BZW2: variants seen among roughly 807,000 people sequenced by gnomAD.
The protein encoded by BZW2 is eIF5-mimic protein 1.
A neutral mutation model predicts 53.2 loss-of-function variants in BZW2; 23 were observed. That is an observed-to-expected ratio of 0.43 (90% CI 0.31 to 0.61). The LOEUF (loss-of-function observed/expected upper bound fraction) is 0.61, where lower values mean the gene tolerates loss of function less well. BZW2 is among the 20% of genes least tolerant of loss of function. The pLI is 0.09. For missense variants in BZW2, 409 were observed against 503.1 expected (o/e 0.81, Z 1.79); for synonymous variants, 227 against 186.4 (o/e 1.22, Z -1.77).
rs1011208169 is a variant in BZW2 at position 16,646,225 on chromosome 7, C to T, written c.-71C>T. On this transcript the variant is annotated 5_prime_UTR_variant, in exon 1 of 12. Transcript: ENST00000258761. Reference sequence around the variant, plus strand: ...CCACTGCTGCTGCTGCTGCTGCTGCCGCTGCTGCTGCACGAATCGCCGCAG... The same window carrying T: ...CCACTGCTGCTGCTGCTGCTGCTGCTGCTGCTGCTGCACGAATCGCCGCAG... 7.3e-5 allele frequency: 25 copies of T among 340,964 alleles called. No individual in the cohort carries two copies. The highest frequency in any genetic ancestry group is 2.5e-4 in the African/African-American group (11 of 44,466). 21.1% of individuals were successfully genotyped at this position (340,964 alleles called of 1,614,324 possible). A position where few individuals can be genotyped will look rare whatever the true frequency, so the allele number is the denominator to read the frequency against.
chr7:16,693,126 C>T (rs1214890849), intron 7 of BZW2, among the ~76,000 whole-genome samples: 1 of 152,122 alleles, frequency 6.6e-6, no homozygotes, highest in African/African-American at 2.4e-5. Context: ...GTGATTTTGA[C>T]TCTCAACAGG....
chr7:16,675,597 C>A (rs1265967653), intron 3 of BZW2, among the ~76,000 whole-genome samples: 2 of 152,158 alleles, frequency 1.3e-5, no homozygotes, highest in East Asian at 1.9e-4. Context: ...GACTACTAGG[C>A]CTTCTGTCAT....
At chr7:16,681,247 A>G (rs959031428) in intron 3 of BZW2, 54 bp from the exon 4 acceptor site, 55 of 1,368,736 alleles carry the variant, frequency 4.0e-5, no homozygotes, top group Non-Finnish European at 4.4e-5. Context: ...TGTTCTGCAA[A>G]TGCTGTTCTC....
At chr7:16,669,486 T>C in intron 2 of BZW2, among the ~76,000 whole-genome samples, 1 of 152,236 alleles carries the variant, frequency 6.6e-6, no homozygotes, top group East Asian at 1.9e-4. Context: ...AATAACTAAA[T>C]GAGCAAACCT....
chr7:16,684,741 G>A (rs970907664), intron 5 of BZW2, among the ~76,000 whole-genome samples: 5 of 151,950 alleles, frequency 3.3e-5, no homozygotes, highest in African/African-American at 1.2e-4. Context: ...TCACTCCCTG[G>A]CACTTACTTA....
At chr7:16,705,174 T>G (rs1241420194) in intron 11 of BZW2, among the ~76,000 whole-genome samples, 1 of 150,560 alleles carries the variant, frequency 6.6e-6, no homozygotes, top group African/African-American at 2.4e-5. Context: ...CTGGCCAACA[T>G]AGTGAAACCC....
intron 2 of BZW2, among the ~76,000 whole-genome samples, chr7:16,665,732 T>C (rs1399684516): frequency 6.6e-6 from 1 of 152,224 alleles, no homozygotes; most frequent in Non-Finnish European, 1.5e-5. Flanking sequence ...GGGATAGATA[T>C]CTCTGTTCAG....
chr7:16,672,349 G>T (rs1340067785), intron 2 of BZW2, among the ~76,000 whole-genome samples: 1 of 151,772 alleles, frequency 6.6e-6, no homozygotes, highest in Non-Finnish European at 1.5e-5. Context: ...TATTTTCTAG[G>T]TCTTTGACCT....
chr7:16,677,427 G>A (rs2128359916), intron 3 of BZW2, among the ~76,000 whole-genome samples: 1 of 152,276 alleles, frequency 6.6e-6, no homozygotes, highest in Non-Finnish European at 1.5e-5. Context: ...CCTAAGTGCT[G>A]TTGGCGAGGT....
chr7:16,699,869 T>C (rs1391213309), intron 10 of BZW2, among the ~76,000 whole-genome samples: 1 of 152,194 alleles, frequency 6.6e-6, no homozygotes, highest in Non-Finnish European at 1.5e-5. Context: ...TTTTTCTTCT[T>C]CATCAGCCCC....
chr7:16,666,002 G>A (rs1422803091), intron 2 of BZW2, among the ~76,000 whole-genome samples: 4 of 152,118 alleles, frequency 2.6e-5, no homozygotes, highest in Non-Finnish European at 5.9e-5. Flanking sequence ...AGTAGTTATA[G>A]ACCCATTTTG....
At chr7:16,677,172 A>G (rs1314744709) in intron 3 of BZW2, among the ~76,000 whole-genome samples, 1 of 151,432 alleles carries the variant, frequency 6.6e-6, no homozygotes, top group African/African-American at 2.4e-5. Flanking sequence ...TTTATATCCC[A>G]GTCATTATCC....
intron 7 of BZW2, among the ~76,000 whole-genome samples, chr7:16,691,636 A>G (rs1458764185): frequency 1.3e-5 from 2 of 152,218 alleles, no homozygotes; most frequent in African/African-American, 4.8e-5. Flanking sequence ...CAATCCACTA[A>G]TAGGCTGCTT....
At chr7:16,673,146 C>T (rs1326170185) in intron 2 of BZW2, among the ~76,000 whole-genome samples, 3 of 152,058 alleles carry the variant, frequency 2.0e-5, no homozygotes, top group South Asian at 2.1e-4. Context: ...CGGGGTTTCA[C>T]CACGTTAGCC....
chr7:16,681,130 C>G (rs1782932212), intron 3 of BZW2, among the ~76,000 whole-genome samples, 171 bp from the exon 4 acceptor site: 1 of 152,032 alleles, frequency 6.6e-6, no homozygotes, highest in Non-Finnish European at 1.5e-5. Flanking sequence ...AAAAAATGTA[C>G]AGCAACGTGT....
chr7:16,662,211 C>G (rs748977445), intron 1 of BZW2: 1 of 152,110 alleles, frequency 6.6e-6, no homozygotes, highest in Non-Finnish European at 1.5e-5. Flanking sequence ...GATAGACACT[C>G]TTGGAGAGCA....
chr7:16,695,846 A>T (rs969640037), intron 8 of BZW2: 1 of 152,240 alleles, frequency 6.6e-6, no homozygotes, highest in East Asian at 1.9e-4. Flanking sequence ...TGTTGGAATG[A>T]CAAATATTCT....
In BZW2 at chr7:16,646,202, A is replaced by ACTGCTG. The variant is rs560205352; in HGVS notation, c.-77_-72dup. 105 of 337,832 alleles carry ACTGCTG rather than the reference A, an allele frequency of 3.1e-4. No homozygotes were observed. The highest frequency in any genetic ancestry group is 1.8e-3 in the African/African-American group (82 of 45,050). 20.9% of individuals were successfully genotyped at this position (337,832 alleles called of 1,614,324 possible). ...CTTCACTCCTCCATTGTCTGCCGCCACTGCTGCTGCTGCTGCTGCTGCCGC... is the reference window on the plus strand; with the variant it reads ...CTTCACTCCTCCATTGTCTGCCGCCACTGCTGCTGCTGCTGCTGCTGCTGCTGCCGC... On this transcript the variant is annotated 5_prime_UTR_variant, in exon 1 of 12. Coordinates refer to ENST00000258761, the MANE Select transcript of BZW2 (RefSeq NM_014038.3).
intron 1 of BZW2, among the ~76,000 whole-genome samples, chr7:16,657,416 A>G (rs1273739396): frequency 2.6e-5 from 4 of 152,208 alleles, no homozygotes; most frequent in African/African-American, 7.2e-5. Flanking sequence ...CACATTGTAT[A>G]TTAAAATTTC....
Sources: gnomAD v4.1 joint callset for allele counts (sites outside exome capture counted in the v4.1 genomes callset) on GRCh38, gnomAD v4.1.1 for gene constraint, MANE v1.5 for transcripts, NCBI Gene and HGNC (gene_info 2026-07-23, HGNC 2026-07-21) for gene names.